Variants in RGS22 observed in about 807,000 individuals in gnomAD.
RGS22 encodes regulator of G-protein signaling 22.
A neutral mutation model predicts 172.9 loss-of-function variants in RGS22; 148 were observed. The observed-to-expected ratio is 0.86, with a 90% CI of 0.75 to 0.98. RGS22 has a LOEUF of 0.98. RGS22 is among the 50% of genes least tolerant of loss of function. The probability of loss-of-function intolerance (pLI) is 0.00; values close to 1 mark genes in which losing one functional copy is unlikely to be tolerated. For missense variants in RGS22, 1,347 were observed against 1,440.8 expected, an observed-to-expected ratio of 0.93 and a Z score of 1.05; for synonymous variants, 458 against 480.2, an observed-to-expected ratio of 0.95 and a Z score of 0.60.
chr8:100,014,584 ACT>A (rs1376743876), intron 14 of RGS22, among the ~76,000 whole-genome samples: 1 of 151,576 alleles, frequency 6.6e-6, no homozygotes, highest in Non-Finnish European at 1.5e-5. Context: ...TCTCTCCTTG[ACT>A]CTCTTTCCTC....
rs1264828821 is a variant in RGS22, at chr8:100,080,208, T to C, written c.265A>G (p.Lys89Glu). Residue 89 changes from lysine (K) to glutamate (E), a missense_variant, in exon 4 of 28, where the codon AAG (lysine) becomes GAG (glutamate). By Grantham distance (56) the Lys-to-Glu change is moderately conservative. Coordinates refer to ENST00000360863, the MANE Select transcript of RGS22 (RefSeq NM_015668.5). ...ATTTGAACAGGTTTAACCTCATTCT[T>C]TCCTTTCCTTACAACATCATAAATG... ...NPIYDVVRKG[K>E]NEVKPVQMNA... 6.2e-7 allele frequency: 1 copy of C among 1,613,930 alleles called. No individual in the cohort carries two copies. Among genetic ancestry groups the C allele is most frequent in the East Asian group, 2.2e-5 (1 of 44,844 alleles).
At chr8:100,080,092 T>C in intron 4 of RGS22, 42 bp downstream of exon 4, 1 of 1,368,380 alleles carries the variant, frequency 7.3e-7, no homozygotes, top group Non-Finnish European at 1.0e-6. Context: ...TTTCACCAAA[T>C]GCTTTATCTA....
chr8:100,052,152 T>TATAAAC (rs1554626676), intron 10 of RGS22, among the ~76,000 whole-genome samples: 2 of 61,580 alleles, frequency 3.2e-5, no homozygotes, highest in Non-Finnish European at 5.3e-5. Flanking sequence ...TATATTAATA[T>TATAAAC]ATATATAAAT....
chr8:100,043,612 C>T (rs1820386835), intron 11 of RGS22, among the ~76,000 whole-genome samples: 1 of 152,016 alleles, frequency 6.6e-6, no homozygotes, highest in Non-Finnish European at 1.5e-5. Context: ...CCCGTCTCTA[C>T]TAAAAATACA....
chr8:100,044,626 C>CTTTT (rs542203635), intron 11 of RGS22, among the ~76,000 whole-genome samples: 1 of 128,834 alleles, frequency 7.8e-6, no homozygotes, highest in Non-Finnish European at 1.7e-5. Flanking sequence ...ATTACCCTTT[C>CTTTT]TTTTTTTTTT....
chr8:99,972,814 AC>A (rs1188519658), intron 23 of RGS22, among the ~76,000 whole-genome samples: 2 of 152,082 alleles, frequency 1.3e-5, no homozygotes, highest in Admixed American at 1.3e-4. Context: ...AGGGTGGATC[AC>A]CAGGTCAGGA....
At chr8:100,104,163 T>A (rs558055958) in intron 2 of RGS22, among the ~76,000 whole-genome samples, 1 of 152,046 alleles carries the variant, frequency 6.6e-6, no homozygotes, top group African/African-American at 2.4e-5. Flanking sequence ...ACAAAAAATA[T>A]AAAAATTAGC....
At chr8:100,103,547 C>G (rs984698062) in intron 2 of RGS22, among the ~76,000 whole-genome samples, 7 of 152,096 alleles carry the variant, frequency 4.6e-5, no homozygotes, top group African/African-American at 1.7e-4. Flanking sequence ...CACGGACATT[C>G]AGATGATAAA....
chr8:100,047,501 CA>C lies in RGS22; in HGVS notation c.1784del (p.Leu595CysfsTer10). 1 of 1,608,222 alleles carries C rather than the reference CA, an allele frequency of 6.2e-7. No individual in the cohort carries two copies. The highest frequency in any genetic ancestry group is 1.3e-5 in the African/African-American group (1 of 74,788). ...ATQKPWKREL[L>X]YPGSSKDDVI... ...CATCATCCTTAGAAGAACCTGGATACAAAAGCTCCCGCTTCCAAGGCTTTTG... is the reference window on the plus strand; with the variant it reads ...CATCATCCTTAGAAGAACCTGGATACAAAGCTCCCGCTTCCAAGGCTTTTG... On this transcript the variant is annotated frameshift_variant, in exon 11 of 28. Coordinates refer to ENST00000360863, the MANE Select transcript of RGS22 (RefSeq NM_015668.5). LOFTEE classifies it high-confidence loss of function.
At chr8:99,961,274 A>G in intron 27 of RGS22, 78 bp from the exon 28 acceptor site, 1 of 427,760 alleles carries the variant, frequency 2.3e-6, no homozygotes, top group Non-Finnish European at 4.6e-6. Context: ...CAAAACAACA[A>G]AAAACTTATA....
At chr8:99,965,198 A>T (rs1420477560) in intron 24 of RGS22, 137 bp downstream of exon 24, 1 of 455,506 alleles carries the variant, frequency 2.2e-6, no homozygotes, top group Non-Finnish European at 3.9e-6. Context: ...AACTCCCTTC[A>T]ATCTCTCCTA....
intron 23 of RGS22, among the ~76,000 whole-genome samples, chr8:99,968,553 T>G (rs1048729769): frequency 1.3e-5 from 2 of 151,848 alleles, no homozygotes; most frequent in African/African-American, 2.4e-5. Flanking sequence ...CTAATGGAGC[T>G]GAAAAACACA....
intron 21 of RGS22, among the ~76,000 whole-genome samples, chr8:99,982,841 G>T (rs1588900668): frequency 2.6e-5 from 4 of 152,176 alleles, no homozygotes; most frequent in East Asian, 3.8e-4. Flanking sequence ...AGACACGGGG[G>T]TACATGTGCA....
chr8:100,044,466 G>T (rs182712566), intron 11 of RGS22, among the ~76,000 whole-genome samples: 429 of 152,092 alleles, frequency 2.8e-3, no homozygotes, highest in Non-Finnish European at 5.4e-3. Context: ...AGGCTGGCCT[G>T]AAACTCCTAA....
chr8:100,069,958 G>A (rs1340650827), intron 6 of RGS22, among the ~76,000 whole-genome samples: 1 of 149,006 alleles, frequency 6.7e-6, no homozygotes, highest in African/African-American at 2.5e-5. Context: ...AATCCTGGAG[G>A]TGGAGGTTGC....
At chr8:100,081,054 A>G (rs761792261) in intron 3 of RGS22, among the ~76,000 whole-genome samples, 2 of 152,172 alleles carry the variant, frequency 1.3e-5, no homozygotes, top group Non-Finnish European at 2.9e-5. Flanking sequence ...TAAGAAGTAA[A>G]TGGTGAATTG....
chr8:100,027,932 C>T (rs139400753), intron 14 of RGS22, among the ~76,000 whole-genome samples: 205 of 152,228 alleles, frequency 1.3e-3, no homozygotes, highest in African/African-American at 4.5e-3. Context: ...ATTGAGTGCT[C>T]TGTACTATAT....
At chr8:100,018,913 TA>T (rs1032017715) in intron 14 of RGS22, among the ~76,000 whole-genome samples, 2 of 151,498 alleles carry the variant, frequency 1.3e-5, no homozygotes, top group Non-Finnish European at 2.9e-5. Flanking sequence ...TTATTGAAGA[TA>T]AGGTCTAGAT....
In RGS22 at chr8:99,965,238, AAACAC is replaced by A. The variant is rs553014913; in HGVS notation, c.3615+92_3615+96del. 632 of 673,504 alleles carry A rather than the reference AAACAC, an allele frequency of 9.4e-4. 6 individuals carry two copies. In the African/African-American group the frequency reaches 0.01, roughly 11 times the overall value. 41.7% of individuals were successfully genotyped at this position (673,504 alleles called of 1,614,324 possible). On this transcript the variant is annotated intron_variant, in intron 24 of 27. Transcript: ENST00000360863. ...TATAATTGTAGGCTTATTTTCAAAC[AAACAC>A]ATTTCTAGTACTGTACAATGACTGA...
Sources: allele counts gnomAD v4.1 joint callset (sites outside exome capture counted in the v4.1 genomes callset), GRCh38; gene constraint gnomAD v4.1.1; transcripts MANE v1.5; gene names NCBI Gene and HGNC (gene_info 2026-07-23, HGNC 2026-07-21).